The following ERC2 variants were observed in gnomAD, a reference collection of about 807,000 sequenced individuals.
The protein encoded by ERC2 is ELKS/RAB6-interacting/CAST family member 2.
Under a neutral mutation model 114.8 loss-of-function variants are expected in ERC2, and 42 were observed. That is an observed-to-expected ratio of 0.37 (90% CI 0.29 to 0.47). The LOEUF (loss-of-function observed/expected upper bound fraction) is 0.47. Ranked by LOEUF, ERC2 falls within the 20% of genes least tolerant of loss-of-function variation. The pLI, the probability that ERC2 is intolerant of heterozygous loss-of-function variation, is 0.99. For synonymous variants in ERC2, 454 were observed against 425.5 expected (o/e 1.07, Z -0.82); for missense variants, 939 against 1,150.7 (o/e 0.82, Z 2.66).
At position 55,736,587 on chromosome 3, in the gene ERC2, A is replaced by G. The variant is rs574443455; in HGVS notation, c.2565-1669T>C. On this transcript the variant is annotated intron_variant, in intron 14 of 17. Coordinates refer to ENST00000288221, the MANE Select transcript of ERC2 (RefSeq NM_015576.3). ...TGACGCTCCATGAAATTGGGACCTC[A>G]TCGATCTTGTGCACCACCAATTCTC... 4.6e-5 allele frequency among the ~76,000 whole-genome samples: 7 copies of G among 152,300 alleles called. No individual in the cohort carries two copies. The East Asian group carries it at 1.3e-3, about 29-fold the overall frequency.
chr3:55,725,272 C>T (rs2064840799), intron 15 of ERC2, among the ~76,000 whole-genome samples: 1 of 152,176 alleles, frequency 6.6e-6, no homozygotes, highest in Non-Finnish European at 1.5e-5. Flanking sequence ...TCAAGTTTTT[C>T]TAAACTAATA....
chr3:55,525,452 A>G (rs1172712174), intron 17 of ERC2, among the ~76,000 whole-genome samples: 3 of 152,194 alleles, frequency 2.0e-5, no homozygotes, highest in Admixed American at 6.5e-5. Flanking sequence ...GACACCTCAT[A>G]TGGTGTCAGA....
intron 3 of ERC2, among the ~76,000 whole-genome samples, chr3:56,208,816 G>A (rs1481216918): frequency 6.6e-6 from 1 of 152,136 alleles, no homozygotes; most frequent in East Asian, 1.9e-4. Context: ...AGTCAAGGGG[G>A]GCATCTATGA....
At chr3:56,037,430 A>G (rs564614589) in intron 7 of ERC2, among the ~76,000 whole-genome samples, 1 of 152,320 alleles carries the variant, frequency 6.6e-6, no homozygotes, top group Admixed American at 6.5e-5. Flanking sequence ...AGCTGAAGAG[A>G]CCACGCAGAA....
Position 55,716,429 on chromosome 3 carries a change from C to A in ERC2, c.2713-16917G>T, listed in dbSNP as rs565795064. Among the ~76,000 whole-genome samples, 4 of 152,272 alleles carry A rather than the reference C, an allele frequency of 2.6e-5. No individual in the cohort carries two copies. In the South Asian group the frequency reaches 6.2e-4, roughly 24 times the overall value. ...GAAAATTTCCATAACTAGCAGGGTCCTGGAGAGTAAAGAAAACCACAAGTG... is the reference window on the plus strand; with the variant it reads ...GAAAATTTCCATAACTAGCAGGGTCATGGAGAGTAAAGAAAACCACAAGTG... On this transcript the variant is annotated intron_variant, in intron 15 of 17. Transcript: ENST00000288221.
chr3:55,734,969 C>A lies in ERC2; in HGVS notation c.2565-51G>T, dbSNP rs559601345. ...CATTTTTGTAAAATAAAAAAAAAAA[C>A]AAACAATTGGCATTTATAGTTGAAA... On this transcript the variant is annotated intron_variant, in intron 14 of 17. Coordinates refer to ENST00000288221, the MANE Select transcript of ERC2 (RefSeq NM_015576.3). The A allele has an allele frequency of 5.8e-5, 81 of 1,385,638 alleles. No homozygotes were observed. In the East Asian group the frequency reaches 6.1e-4, roughly 10 times the overall value. The allele number at this position is 1,385,638 out of a possible 1,614,324, so 85.8% of individuals were successfully genotyped here. A position where few individuals can be genotyped will look rare whatever the true frequency, so the allele number is the denominator to read the frequency against.
intron 4 of ERC2, among the ~76,000 whole-genome samples, chr3:56,159,086 A>AC (rs1257967385): frequency 2.0e-5 from 3 of 150,940 alleles, no homozygotes; most frequent in African/African-American, 7.3e-5. Context: ...AGTGTGTGGC[A>AC]CCCCCCCACC....
chr3:56,059,307 T>G (rs973093692), intron 7 of ERC2, among the ~76,000 whole-genome samples: 1 of 152,122 alleles, frequency 6.6e-6, no homozygotes, highest in African/African-American at 2.4e-5. Context: ...GCCACGGTGG[T>G]CTCGATCTCT....
At chr3:56,250,929 T>G (rs2052104655) in intron 3 of ERC2, among the ~76,000 whole-genome samples, 1 of 152,194 alleles carries the variant, frequency 6.6e-6, no homozygotes, top group South Asian at 2.1e-4. Context: ...AAAATCTTAA[T>G]GCCTAATAGC....
At chr3:56,348,928 GA>G (rs1297433675) in intron 2 of ERC2, among the ~76,000 whole-genome samples, 1 of 142,744 alleles carries the variant, frequency 7.0e-6, no homozygotes, top group African/African-American at 2.7e-5. Flanking sequence ...AGGAAGGAAG[GA>G]AGGAAGGAAG....
intron 14 of ERC2, among the ~76,000 whole-genome samples, chr3:55,770,108 T>C (rs2068087583): frequency 6.6e-6 from 1 of 152,194 alleles, no homozygotes; most frequent in Non-Finnish European, 1.5e-5. Context: ...GTATGCTTCT[T>C]CTAACTCTTT....
chr3:56,118,521 G>A (rs1439982604), intron 6 of ERC2, among the ~76,000 whole-genome samples: 1 of 152,050 alleles, frequency 6.6e-6, no homozygotes, highest in Non-Finnish European at 1.5e-5. Flanking sequence ...AACATATTAT[G>A]TGCCAGGCAC....
intron 12 of ERC2, among the ~76,000 whole-genome samples, chr3:55,950,794 C>G (rs1175113899): frequency 6.6e-6 from 1 of 152,224 alleles, no homozygotes; most frequent in African/African-American, 2.4e-5. Flanking sequence ...ATAATCTTCA[C>G]TCTCATGGAG....
At chr3:56,193,057 C>T (rs918258888) in intron 3 of ERC2, among the ~76,000 whole-genome samples, 5 of 152,188 alleles carry the variant, frequency 3.3e-5, no homozygotes, top group African/African-American at 9.6e-5. Context: ...ATTTACAAAA[C>T]AGGTATATGG....
chr3:55,750,096 C>T (rs932476997), intron 14 of ERC2, among the ~76,000 whole-genome samples: 1 of 152,078 alleles, frequency 6.6e-6, no homozygotes, highest in Middle Eastern at 3.4e-3. Flanking sequence ...GGACAGAATA[C>T]GATGCTACGT....
At chr3:55,594,480 T>C (rs1347040967) in intron 17 of ERC2, among the ~76,000 whole-genome samples, 1 of 151,624 alleles carries the variant, frequency 6.6e-6, no homozygotes, top group Non-Finnish European at 1.5e-5. Context: ...GTTTTATTGT[T>C]ATTATTATTA....
chr3:56,123,366 G>A (rs2079692576), intron 6 of ERC2, among the ~76,000 whole-genome samples: 1 of 151,694 alleles, frequency 6.6e-6, no homozygotes, highest in South Asian at 2.1e-4. Context: ...TGCCATCTGT[G>A]AACCAGAAAA....
intron 9 of ERC2, among the ~76,000 whole-genome samples, chr3:56,008,729 G>A (rs1327044344): frequency 3.9e-5 from 6 of 152,144 alleles, no homozygotes; most frequent in African/African-American, 1.4e-4. Flanking sequence ...TTTAAGTAAA[G>A]GAGATTATTC....
At chr3:55,647,931 T>A (rs1432033566) in intron 17 of ERC2, among the ~76,000 whole-genome samples, 5 of 152,148 alleles carry the variant, frequency 3.3e-5, no homozygotes, top group Non-Finnish European at 7.4e-5. Context: ...GGAGCAGAAG[T>A]GGGCTACTTG....
Sources: allele counts gnomAD v4.1 joint callset (sites outside exome capture counted in the v4.1 genomes callset), GRCh38; gene constraint gnomAD v4.1.1; transcripts MANE v1.5; gene names NCBI Gene and HGNC (gene_info 2026-07-23, HGNC 2026-07-21).